Variants in HBE1 observed in about 807,000 individuals in gnomAD.
HBE1 encodes hemoglobin subunit epsilon 1.
HBE1 carries 10 observed loss-of-function variants against 12.1 expected under a neutral mutation model. The ratio of observed to expected loss-of-function variants is 0.83; its 90% CI spans 0.51 to 1.40. HBE1 has a LOEUF of 1.40. HBE1 is among the 40% of genes most tolerant of loss of function. HBE1 has a pLI of 0.00. For synonymous variants in HBE1, 78 were observed against 70.4 expected (o/e 1.11, Z -0.54); for missense variants, 172 against 175.8 (o/e 0.98, Z 0.12).
chr11:5,269,343 G>C lies in HBE1; in HGVS notation c.315+111C>G, dbSNP rs1479385848. 3 of 852,778 alleles carry C rather than the reference G, an allele frequency of 3.5e-6. No individual in the cohort carries two copies. The African/African-American group carries it at 4.9e-5, about 14-fold the overall frequency. The allele number at this position is 852,778 out of a possible 1,614,324, so 52.8% of individuals were successfully genotyped here. A position where few individuals can be genotyped will look rare whatever the true frequency, so the allele number is the denominator to read the frequency against. On this transcript the variant is annotated intron_variant, in intron 2 of 2. Coordinates refer to ENST00000396895, the MANE Select transcript of HBE1 (RefSeq NM_005330.4). Reference sequence around the variant, plus strand: ...TAGAAGTCTGCTGTTCTAACATCAAGCTCGACCCATGATTTCTGAGATCTT... The same window carrying C: ...TAGAAGTCTGCTGTTCTAACATCAACCTCGACCCATGATTTCTGAGATCTT...
chr11:5,269,259 C>T (rs998069635), intron 2 of HBE1, among the ~76,000 whole-genome samples, 195 bp downstream of exon 2: 1 of 152,130 alleles, frequency 6.6e-6, no homozygotes, highest in African/African-American at 2.4e-5. Context: ...CCAATTCAGG[C>T]TGTTAGTAGT....
At position 5,268,450 on chromosome 11, in the gene HBE1, C is replaced by G. The variant is rs1395793383; in HGVS notation, c.*19G>C. 2 of 1,610,992 alleles carry G rather than the reference C, an allele frequency of 1.2e-6. No individual in the cohort carries two copies. Among genetic ancestry groups the G allele is most frequent in the African/African-American group, 2.7e-5 (2 of 74,856 alleles). The stretch of plus-strand genomic sequence containing the variant: ...GAGGGTGTCAGGGTCACAGGAACAC[C>G]TGCAAACTGGAAGAGAACTCAGTGG... On this transcript the variant is annotated 3_prime_UTR_variant, in exon 3 of 3. Transcript: ENST00000396895.
In HBE1 at chr11:5,268,504, C is replaced by CAG. The variant is rs764130759; in HGVS notation, c.407_408dup (p.Ala137LeufsTer23). On this transcript the variant is annotated frameshift_variant, in exon 3 of 3. Transcript: ENST00000396895. LOFTEE classifies it high-confidence loss of function. ...TTATGGGCCAGGGCAATGGCGACAG[C>CAG]AGACACCAGCTTCTGCCAGGCAGCC... The CAG allele has an allele frequency of 6.2e-7, 1 of 1,613,944 alleles. No individual in the cohort carries two copies.
intron 2 of HBE1, among the ~76,000 whole-genome samples, chr11:5,268,969 A>AT (rs1405872128): frequency 6.6e-6 from 1 of 152,220 alleles, no homozygotes; most frequent in Non-Finnish European, 1.5e-5. Flanking sequence ...AAATTCGGAA[A>AT]CAAGCCTTCA....
intron 2 of HBE1, 65 bp from the exon 3 acceptor site, chr11:5,268,662 T>TG: frequency 8.5e-7 from 1 of 1,173,258 alleles, no homozygotes; most frequent in Non-Finnish European, 1.2e-6. Flanking sequence ...AACAACTTGA[T>TG]GAAAAAACAA....
chr11:5,268,547 C>T lies in HBE1; in HGVS notation c.366G>A (p.Glu122=). 1 of 1,613,856 alleles carries T rather than the reference C, an allele frequency of 6.2e-7. No individual in the cohort carries two copies. The highest frequency in any genetic ancestry group is 8.5e-7 in the Non-Finnish European group (1 of 1,179,746). The change falls in exon 3 of 3, where the codon GAG becomes GAA. Residue 122 remains glutamate, a synonymous_variant. Coordinates refer to ENST00000396895, the MANE Select transcript of HBE1 (RefSeq NM_005330.4). ...AGGCAGCCTGCACTTCAGGGGTGAA[C>T]TCCTTGCCAAAGTGAGTAGCCAGAA... is the stretch of plus-strand genomic sequence containing the variant. The part of the protein sequence containing the change: ...VIILATHFGK[E]FTPEVQAAWQ...
At position 5,268,445 on chromosome 11, in the gene HBE1, A is replaced by G; in HGVS notation, c.*24T>C. ...AGAAGGAGGGTGTCAGGGTCACAGG[A>G]ACACCTGCAAACTGGAAGAGAACTC... On this transcript the variant is annotated 3_prime_UTR_variant, in exon 3 of 3. Coordinates refer to ENST00000396895, the MANE Select transcript of HBE1 (RefSeq NM_005330.4). 2 of 1,608,874 alleles carry G rather than the reference A, an allele frequency of 1.2e-6. No individual in the cohort carries two copies. Among genetic ancestry groups the G allele is most frequent in the Non-Finnish European group, 1.7e-6 (2 of 1,176,106 alleles).
Position 5,269,843 on chromosome 11 carries a change from C to T in HBE1, c.48G>A (p.Trp16Ter), listed in dbSNP as rs933631360. Residue 16 changes from tryptophan to a stop codon, truncating the protein, a stop_gained, in exon 1 of 3, where the codon TGG (tryptophan) becomes TGA (stop). Transcript: ENST00000396895. LOFTEE classifies it high-confidence loss of function. ...AEEKAAVTSL[W>*]SKMNVEEAGG... is the part of the protein sequence containing the mutation. ...CAGCCTCTTCCACATTCATCTTGCTCCACAGGCTAGTGACGGCAGCCTTCT... is the reference window on the plus strand; with the variant it reads ...CAGCCTCTTCCACATTCATCTTGCTTCACAGGCTAGTGACGGCAGCCTTCT... The T allele has an allele frequency of 1.2e-6, 2 of 1,613,990 alleles. No homozygotes were observed. Among genetic ancestry groups the T allele is most frequent in the Non-Finnish European group, 1.7e-6 (2 of 1,179,912 alleles).
chr11:5,268,738 G>A (rs1848161157), intron 2 of HBE1, 141 bp from the exon 3 acceptor site: 1 of 743,648 alleles, frequency 1.3e-6, no homozygotes. Context: ...CTGTTCCAAG[G>A]TTTGTGCCCA....
chr11:5,268,376 A>T lies in HBE1; in HGVS notation c.*93T>A. On this transcript the variant is annotated 3_prime_UTR_variant, in exon 3 of 3. Coordinates refer to ENST00000396895, the MANE Select transcript of HBE1 (RefSeq NM_005330.4). ...ATTACTGAAGAAAATGTACTTTATTAAACAGAAGGCTTTCTCTCAAGGCCA... is the reference window on the plus strand; with the variant it reads ...ATTACTGAAGAAAATGTACTTTATTTAACAGAAGGCTTTCTCTCAAGGCCA... The T allele has an allele frequency of 8.7e-7, 1 of 1,154,244 alleles. No individual in the cohort carries two copies. The highest frequency in any genetic ancestry group is 1.2e-6 in the Non-Finnish European group (1 of 815,296). The allele number at this position is 1,154,244 out of a possible 1,614,324, so 71.5% of individuals were successfully genotyped here. A position where few individuals can be genotyped will look rare whatever the true frequency, so the allele number is the denominator to read the frequency against.
rs566186220 is a variant in HBE1 at position 5,269,290 on chromosome 11, GA to G, written c.315+163del. 1.3e-3 allele frequency among the ~76,000 whole-genome samples: 199 copies of G among 152,282 alleles called. 1 individual carries two copies. The highest frequency in any genetic ancestry group is 2.1e-3 in the Non-Finnish European group (142 of 68,022). On this transcript the variant is annotated intron_variant, in intron 2 of 2. Transcript: ENST00000396895. ...GTAGTCCTTTACTGTCACTAGTTCT[GA>G]ATCATGTAAGTTTTGGTTATGCTCA... is the stretch of plus-strand genomic sequence containing the variant.
At position 5,269,676 on chromosome 11, in the gene HBE1, T is replaced by G. The variant is rs1848170802; in HGVS notation, c.93A>C (p.Arg31Ser). 2 of 1,609,140 alleles carry G rather than the reference T, an allele frequency of 1.2e-6. No individual in the cohort carries two copies. Among genetic ancestry groups the G allele is most frequent in the Admixed American group, 1.7e-5 (1 of 59,800 alleles). ...GGGTCCAGGGGTAAACAACGAGGAG[T>G]CTATGAAATGACACCATATCAGATA... ...VEEAGGEALG[R>S]LLVVYPWTQR... is the part of the protein sequence containing the mutation. Residue 31 changes from arginine (R) to serine (S), a missense_variant and splice_region_variant, in exon 2 of 3, where the codon AGA (arginine) becomes AGC (serine). By Grantham distance (110) the Arg-to-Ser change is moderately radical (BLOSUM62 -1). Transcript: ENST00000396895.
rs767309585 is a variant in HBE1 at position 5,268,444 on chromosome 11, G to T, written c.*25C>A. ...CAGAAGGAGGGTGTCAGGGTCACAG[G>T]AACACCTGCAAACTGGAAGAGAACT... is the stretch of plus-strand genomic sequence containing the variant. On this transcript the variant is annotated 3_prime_UTR_variant, in exon 3 of 3. Transcript: ENST00000396895. 6.2e-7 allele frequency: 1 copy of T among 1,608,364 alleles called. No individual in the cohort carries two copies. The highest frequency in any genetic ancestry group is 2.2e-5 in the East Asian group (1 of 44,770).
chr11:5,268,823 C>T (rs72872549), intron 2 of HBE1, among the ~76,000 whole-genome samples: 37,572 of 151,920 alleles, frequency 0.25, 5,181 homozygotes, highest in Non-Finnish European at 0.32. Flanking sequence ...CTACCTACAC[C>T]CTCACCCCCT....
rs776525397 is a variant in HBE1, at chr11:5,269,471, C to A, written c.298G>T (p.Asp100Tyr). ...GAACTCACCTTGAAGTTCTCAGGAT[C>A]CACATGCAGCTTGTCACAGTGCAGC... ...SELHCDKLHV[D>Y]PENFKLLGNV... Residue 100 changes from aspartate to tyrosine, a missense_variant, in exon 2 of 3, where the codon GAT becomes TAT. Transcript: ENST00000396895. 6.2e-7 allele frequency: 1 copy of A among 1,613,618 alleles called. No homozygotes were observed. Among genetic ancestry groups the A allele is most frequent in the Non-Finnish European group, 8.5e-7 (1 of 1,179,544 alleles).
Position 5,269,453 on chromosome 11 carries a change from C to T in HBE1, c.315+1G>A, listed in dbSNP as rs746630323. ...ATCACATCACCAGCACCTGAACTCA[C>T]CTTGAAGTTCTCAGGATCCACATGC... On this transcript the variant is annotated splice_donor_variant, in intron 2 of 2. Transcript: ENST00000396895. LOFTEE classifies it high-confidence loss of function. The T allele has an allele frequency of 1.2e-6, 2 of 1,609,516 alleles. No individual in the cohort carries two copies. The highest frequency in any genetic ancestry group is 1.7e-6 in the Non-Finnish European group (2 of 1,175,814).
intron 1 of HBE1, 34 bp downstream of exon 1, chr11:5,269,765 C>T (rs1407195000): frequency 6.4e-7 from 1 of 1,574,734 alleles, no homozygotes; most frequent in African/African-American, 1.3e-5. Context: ...TAATATTCAC[C>T]CTTCATTCCC....
In HBE1 at chr11:5,268,379, C is replaced by A; in HGVS notation, c.*90G>T. The A allele has an allele frequency of 8.5e-7, 1 of 1,173,842 alleles. No individual in the cohort carries two copies. The highest frequency in any genetic ancestry group is 1.7e-5 in the South Asian group (1 of 59,116). 72.7% of individuals were successfully genotyped at this position (1,173,842 alleles called of 1,614,324 possible). A position where few individuals can be genotyped will look rare whatever the true frequency, so the allele number is the denominator to read the frequency against. ...ACTGAAGAAAATGTACTTTATTAAACAGAAGGCTTTCTCTCAAGGCCAAGC... is the reference window on the plus strand; with the variant it reads ...ACTGAAGAAAATGTACTTTATTAAAAAGAAGGCTTTCTCTCAAGGCCAAGC... On this transcript the variant is annotated 3_prime_UTR_variant, in exon 3 of 3. Transcript: ENST00000396895.
Position 5,269,904 on chromosome 11 carries a change from A to G in HBE1, c.-14T>C, listed in dbSNP as rs763572350. On this transcript the variant is annotated 5_prime_UTR_variant, in exon 1 of 3. Coordinates refer to ENST00000396895, the MANE Select transcript of HBE1 (RefSeq NM_005330.4). ...AAAATGCACCATGATGCCAGGCCTG[A>G]GAGCTTGCTAGTGATTGCAGCTGTG... 4.4e-6 allele frequency: 7 copies of G among 1,584,104 alleles called. No individual in the cohort carries two copies. The Admixed American group carries it at 1.2e-4, about 26-fold the overall frequency.
Sources: gnomAD v4.1 joint callset for allele counts (sites outside exome capture counted in the v4.1 genomes callset) on GRCh38, gnomAD v4.1.1 for gene constraint, MANE v1.5 for transcripts, NCBI Gene and HGNC (gene_info 2026-07-23, HGNC 2026-07-21) for gene names.